SPAG17: variants seen among roughly 807,000 people sequenced by gnomAD.
SPAG17 encodes the protein sperm-associated antigen 17.
A neutral mutation model predicts 273.6 loss-of-function variants in SPAG17; 169 were observed. The ratio of observed to expected loss-of-function variants is 0.62; its 90% CI spans 0.55 to 0.70. The LOEUF (loss-of-function observed/expected upper bound fraction) is 0.70, where lower values mean the gene tolerates loss of function less well. Ranked by LOEUF, SPAG17 falls within the 30% of genes least tolerant of loss-of-function variation. The probability of loss-of-function intolerance (pLI) is 0.00; values close to 1 mark genes in which losing one functional copy is unlikely to be tolerated. For synonymous variants in SPAG17, 825 were observed against 873.2 expected (o/e 0.94, Z 0.97); for missense variants, 2,557 against 2,627.8 (o/e 0.97, Z 0.59).
At position 118,025,289 on chromosome 1, in the gene SPAG17, A is replaced by G. The variant is rs760756259; in HGVS notation, c.3858T>C (p.Val1286=). The change falls in exon 27 of 49, where the codon GTT becomes GTC. Residue 1286 remains valine, a synonymous_variant. Transcript: ENST00000336338. ...MPPAEQEASR[V]ITSQGTVVKY... The stretch of plus-strand genomic sequence containing the variant: ...TGACAACAGTGCCTTGACTGGTGAT[A>G]ACCCTTGAAGCCTCCTGCTCTGCGG... The G allele has an allele frequency of 1.2e-6, 2 of 1,613,736 alleles. No homozygotes were observed. The highest frequency in any genetic ancestry group is 4.5e-5 in the East Asian group (2 of 44,864).
chr1:117,986,868 A>G (rs1463080783), intron 40 of SPAG17, among the ~76,000 whole-genome samples: 1 of 152,196 alleles, frequency 6.6e-6, no homozygotes, highest in Non-Finnish European at 1.5e-5. Context: ...GAAGCAGGAC[A>G]TAAAACCTAG....
chr1:118,067,914 G>T (rs895236420), intron 17 of SPAG17, among the ~76,000 whole-genome samples: 1 of 151,978 alleles, frequency 6.6e-6, no homozygotes, highest in African/African-American at 2.4e-5. Flanking sequence ...TCCAACTCTG[G>T]CCCTTTCTAA....
chr1:118,179,083 C>A (rs1312731050), intron 1 of SPAG17, among the ~76,000 whole-genome samples: 1 of 151,756 alleles, frequency 6.6e-6, no homozygotes, highest in African/African-American at 2.4e-5. Context: ...ACGGTCTTCA[C>A]AGAAATAGAA....
At chr1:118,109,225 T>C (rs1253425633) in intron 4 of SPAG17, among the ~76,000 whole-genome samples, 3 of 149,116 alleles carry the variant, frequency 2.0e-5, no homozygotes, top group African/African-American at 7.4e-5. Context: ...CACTGCAACC[T>C]CCGCCTGCCA....
At chr1:118,029,472 A>G (rs1254860727) in intron 25 of SPAG17, among the ~76,000 whole-genome samples, 1 of 152,218 alleles carries the variant, frequency 6.6e-6, no homozygotes, top group Non-Finnish European at 1.5e-5. Context: ...TTTGGATGCT[A>G]GAGATATTAT....
At chr1:118,048,310 C>T (rs1387741953) in intron 20 of SPAG17, among the ~76,000 whole-genome samples, 6 of 152,096 alleles carry the variant, frequency 3.9e-5, no homozygotes, top group African/African-American at 1.4e-4. Context: ...CAGATTTACC[C>T]CAGTGGACTC....
chr1:118,097,318 C>A (rs1655776639), intron 7 of SPAG17, among the ~76,000 whole-genome samples: 1 of 151,774 alleles, frequency 6.6e-6, no homozygotes, highest in Non-Finnish European at 1.5e-5. Flanking sequence ...ATTTAACAAA[C>A]TATGAAATTT....
At chr1:117,993,005 G>C (rs1194901652) in intron 35 of SPAG17, among the ~76,000 whole-genome samples, 1 of 152,154 alleles carries the variant, frequency 6.6e-6, no homozygotes, top group African/African-American at 2.4e-5. Context: ...ATTTGGAACT[G>C]AGCAGTCTTT....
intron 18 of SPAG17, among the ~76,000 whole-genome samples, chr1:118,063,505 A>G (rs1030960620): frequency 1.3e-5 from 2 of 152,212 alleles, no homozygotes; most frequent in African/African-American, 4.8e-5. Flanking sequence ...TATTTAATAA[A>G]TGGTGCTGGG....
In SPAG17 at chr1:117,994,411, C is replaced by T. The variant is rs757314437; in HGVS notation, c.5173G>A (p.Val1725Ile). 1.2e-6 allele frequency: 2 copies of T among 1,611,796 alleles called. No homozygotes were observed. Among genetic ancestry groups the T allele is most frequent in the South Asian group, 1.1e-5 (1 of 90,762 alleles). The stretch of plus-strand genomic sequence containing the variant: ...TTTTAGAAGAAATTATATACCTCAA[C>T]TGAGGGAAATGTTTCCCATGACCTT... ...RSRSWETFPS[V>I]EKKTPGPPFG... is the part of the protein sequence containing the mutation. The change falls in exon 35 of 49, where the codon GTT (valine) becomes ATT (isoleucine). Residue 1725 changes from valine (V) to isoleucine (I), a missense_variant. Transcript: ENST00000336338.
intron 5 of SPAG17, among the ~76,000 whole-genome samples, chr1:118,101,005 C>T (rs143463726): frequency 5.3e-5 from 8 of 152,308 alleles, no homozygotes; most frequent in Non-Finnish European, 7.3e-5. Context: ...TTATGTCTGA[C>T]TTTCCTATAT....
chr1:118,034,508 C>T (rs970392139), intron 24 of SPAG17, among the ~76,000 whole-genome samples: 1 of 152,208 alleles, frequency 6.6e-6, no homozygotes, highest in African/African-American at 2.4e-5. Flanking sequence ...AGACTCAGTT[C>T]ACATGCTACT....
chr1:118,115,391 T>C lies in SPAG17; in HGVS notation c.366A>G (p.Leu122=). 1.2e-6 allele frequency: 2 copies of C among 1,613,510 alleles called. No homozygotes were observed. Among genetic ancestry groups the C allele is most frequent in the African/African-American group, 1.3e-5 (1 of 75,034 alleles). The change falls in exon 4 of 49, where the codon TTA becomes TTG. Residue 122 remains leucine, a synonymous_variant. Coordinates refer to ENST00000336338, the MANE Select transcript of SPAG17 (RefSeq NM_206996.4). The part of the protein sequence containing the change: ...AIMDSGEKLT[L]PLIGKLLKFQ... ...ATTTCAAGAGTTTCCCTATCAGTGG[T>C]AAGGTTAATTTCTCTCCACTATCCA...
chr1:118,077,735 GGACAA>G lies in SPAG17; in HGVS notation c.2210-3140_2210-3136del. Reference sequence around the variant, plus strand: ...GTAGGCTAATAGGTAAGGGTACTTAGGACAAAGAAATAGGGAATCTACCCTAGTTA... The same window carrying G: ...GTAGGCTAATAGGTAAGGGTACTTAGAGAAATAGGGAATCTACCCTAGTTA... On this transcript the variant is annotated intron_variant, in intron 15 of 48. Coordinates refer to ENST00000336338, the MANE Select transcript of SPAG17 (RefSeq NM_206996.4). 1.3e-5 allele frequency among the ~76,000 whole-genome samples: 2 copies of G among 151,970 alleles called. 1 individual carries two copies. Among genetic ancestry groups the G allele is most frequent in the East Asian group, 3.9e-4 (2 of 5,178 alleles).
chr1:118,152,752 G>C (rs1407401872), intron 1 of SPAG17, among the ~76,000 whole-genome samples: 1 of 152,156 alleles, frequency 6.6e-6, no homozygotes, highest in African/African-American at 2.4e-5. Flanking sequence ...GGGGAAGACT[G>C]ACCATTTATT....
chr1:118,144,661 C>T (rs900017496), intron 3 of SPAG17, among the ~76,000 whole-genome samples: 2 of 152,138 alleles, frequency 1.3e-5, no homozygotes, highest in Non-Finnish European at 2.9e-5. Context: ...ATGTGGAGTG[C>T]CGAGGCCCTG....
At chr1:117,977,414 C>A (rs773503846) in intron 43 of SPAG17, among the ~76,000 whole-genome samples, 1 of 152,188 alleles carries the variant, frequency 6.6e-6, no homozygotes, top group Non-Finnish European at 1.5e-5. Flanking sequence ...TCTTAAAACT[C>A]ATTCCAGCCC....
At chr1:118,060,948 T>A (rs1467411180) in intron 18 of SPAG17, among the ~76,000 whole-genome samples, 1 of 152,166 alleles carries the variant, frequency 6.6e-6, no homozygotes, top group Non-Finnish European at 1.5e-5. Context: ...AAAAAGGTGT[T>A]CAACACTAAT....
At chr1:117,989,975 TTAAC>T (rs1220471975) in intron 38 of SPAG17, among the ~76,000 whole-genome samples, 6 of 152,124 alleles carry the variant, frequency 3.9e-5, no homozygotes, top group African/African-American at 1.4e-4. Context: ...CATCTAAAAT[TTAAC>T]TAGGCCTTCT....
Sources: allele counts gnomAD v4.1 joint callset (sites outside exome capture counted in the v4.1 genomes callset), GRCh38; gene constraint gnomAD v4.1.1; transcripts MANE v1.5; gene names NCBI Gene and HGNC (gene_info 2026-07-23, HGNC 2026-07-21).